AGBL4: variants seen among roughly 807,000 people sequenced by gnomAD.
AGBL4 encodes the protein AGBL carboxypeptidase 4, also known as cytosolic carboxypeptidase 6.
A neutral mutation model predicts 66.4 loss-of-function variants in AGBL4; 58 were observed. That is an observed-to-expected ratio of 0.87 (90% CI 0.71 to 1.09). The LOEUF (loss-of-function observed/expected upper bound fraction) is 1.09. Among genes scored for constraint, AGBL4 ranks in the 50% least tolerant of loss-of-function variants. The pLI is 0.00. For missense variants in AGBL4, 579 were observed against 631.0 expected (o/e 0.92, Z 0.88); for synonymous variants, 234 against 222.9 (o/e 1.05, Z -0.44).
intron 11 of AGBL4, among the ~76,000 whole-genome samples, chr1:48,541,876 T>C (rs980760934): frequency 6.6e-5 from 10 of 152,210 alleles, no homozygotes; most frequent in Non-Finnish European, 1.3e-4. Context: ...AGTTCTGGGA[T>C]ACATGTGCAG....
chr1:49,670,206 A>G (rs548141185), intron 3 of AGBL4, among the ~76,000 whole-genome samples: 117 of 152,264 alleles, frequency 7.7e-4, no homozygotes, highest in African/African-American at 2.6e-3. Flanking sequence ...GAAGTTTGAG[A>G]TTTTCTTGCT....
intron 1 of AGBL4, among the ~76,000 whole-genome samples, chr1:49,961,516 A>G (rs1333600371): frequency 6.6e-6 from 1 of 152,116 alleles, no homozygotes; most frequent in Non-Finnish European, 1.5e-5. Flanking sequence ...AAAACATAAA[A>G]TAAAATCATT....
At chr1:49,714,669 C>A (rs908495537) in intron 2 of AGBL4, among the ~76,000 whole-genome samples, 6 of 151,054 alleles carry the variant, frequency 4.0e-5, no homozygotes, top group Admixed American at 2.6e-4. Context: ...TTTGTCCAAT[C>A]ATCCATTCAT....
chr1:48,822,400 A>G (rs758943288), intron 6 of AGBL4, among the ~76,000 whole-genome samples: 2 of 152,230 alleles, frequency 1.3e-5, no homozygotes, highest in Non-Finnish European at 2.9e-5. Context: ...AAAAAATAAT[A>G]TATTGAGGAA....
intron 6 of AGBL4, among the ~76,000 whole-genome samples, chr1:48,805,814 G>A (rs1221271632): frequency 6.6e-6 from 1 of 152,108 alleles, no homozygotes; most frequent in Non-Finnish European, 1.5e-5. Flanking sequence ...TTCCTCATCT[G>A]TGAACAGGAC....
intron 6 of AGBL4, chr1:48,742,821 G>A (rs767292066): frequency 1.4e-6 from 2 of 1,435,558 alleles, no homozygotes; most frequent in African/African-American, 2.9e-5. Context: ...GAAAATAAAA[G>A]GCAAATATTT....
At chr1:48,646,996 C>T (rs180972251) in intron 8 of AGBL4, among the ~76,000 whole-genome samples, 1 of 152,338 alleles carries the variant, frequency 6.6e-6, no homozygotes, top group East Asian at 1.9e-4. Flanking sequence ...TTGGCAAGAA[C>T]TGCCTCTGAT....
At chr1:49,938,023 A>C (rs1303058818) in intron 1 of AGBL4, among the ~76,000 whole-genome samples, 1 of 125,750 alleles carries the variant, frequency 8.0e-6, no homozygotes, top group African/African-American at 3.5e-5. Context: ...AATAGAGACA[A>C]AAAAAGCCCT....
chr1:49,552,664 G>A (rs1228333248), intron 3 of AGBL4, among the ~76,000 whole-genome samples: 1 of 152,110 alleles, frequency 6.6e-6, no homozygotes, highest in African/African-American at 2.4e-5. Flanking sequence ...GTGTCTTCTG[G>A]GTCCTGGAGT....
At chr1:48,762,310 A>T (rs1644303398) in intron 6 of AGBL4, among the ~76,000 whole-genome samples, 1 of 152,168 alleles carries the variant, frequency 6.6e-6, no homozygotes, top group African/African-American at 2.4e-5. Context: ...ACCTAAGATA[A>T]TCTGTTTCTT....
intron 6 of AGBL4, among the ~76,000 whole-genome samples, chr1:48,847,399 C>CAAA (rs11413755): frequency 2.4e-5 from 3 of 126,142 alleles, no homozygotes; most frequent in Middle Eastern, 3.9e-3. Context: ...AGAAATGAGG[C>CAAA]AAAAAAAAAA....
chr1:48,578,694 T>C (rs1250649028), intron 11 of AGBL4, among the ~76,000 whole-genome samples: 3 of 152,210 alleles, frequency 2.0e-5, no homozygotes, highest in Non-Finnish European at 4.4e-5. Context: ...ACATAACTCA[T>C]TGCCTTGTTC....
At chr1:48,568,800 T>C (rs1050172052) in intron 11 of AGBL4, among the ~76,000 whole-genome samples, 11 of 152,222 alleles carry the variant, frequency 7.2e-5, no homozygotes, top group African/African-American at 2.4e-4. Flanking sequence ...AGTTATGTAC[T>C]TTCTCCCTAA....
intron 2 of AGBL4, among the ~76,000 whole-genome samples, chr1:49,824,304 A>G (rs1221855078): frequency 6.6e-6 from 1 of 152,222 alleles, no homozygotes; most frequent in Non-Finnish European, 1.5e-5. Flanking sequence ...TATACAGAGA[A>G]GTACAGGATA....
At chr1:49,297,197 T>A (rs548625204) in intron 3 of AGBL4, among the ~76,000 whole-genome samples, 2 of 152,348 alleles carry the variant, frequency 1.3e-5, no homozygotes, top group East Asian at 3.9e-4. Flanking sequence ...CACTTATTTT[T>A]AAAACATTTA....
At chr1:48,707,828 C>T (rs1190483665) in intron 6 of AGBL4, among the ~76,000 whole-genome samples, 2 of 152,146 alleles carry the variant, frequency 1.3e-5, no homozygotes, top group African/African-American at 4.8e-5. Context: ...TTCTCACATG[C>T]CTGACCGGGG....
intron 1 of AGBL4, among the ~76,000 whole-genome samples, chr1:49,935,855 A>C (rs907743350): frequency 6.6e-6 from 1 of 152,152 alleles, no homozygotes. Flanking sequence ...ATCATCAAAG[A>C]CCAAAAGTAG....
intron 3 of AGBL4, among the ~76,000 whole-genome samples, chr1:49,642,220 G>T (rs907613122): frequency 2.0e-5 from 3 of 151,924 alleles, no homozygotes; most frequent in African/African-American, 7.2e-5. Context: ...AATGGGCCTG[G>T]ATTTTTACCT....
chr1:49,809,214 T>A (rs1645042341), intron 2 of AGBL4, among the ~76,000 whole-genome samples: 1 of 152,082 alleles, frequency 6.6e-6, no homozygotes, highest in South Asian at 2.1e-4. Flanking sequence ...CATGCAGGTT[T>A]GTTACATATG....
Sources: allele counts gnomAD v4.1 joint callset (sites outside exome capture counted in the v4.1 genomes callset), GRCh38; gene constraint gnomAD v4.1.1; transcripts MANE v1.5; gene names NCBI Gene and HGNC (gene_info 2026-07-23, HGNC 2026-07-21).